TYW1B: variants seen among roughly 807,000 people sequenced by gnomAD.
TYW1B encodes the protein S-adenosyl-L-methionine-dependent tRNA 4-demethylwyosine synthase TYW1B.
TYW1B carries 73 observed loss-of-function variants against 86.9 expected under a neutral mutation model. The ratio of observed to expected loss-of-function variants is 0.84; its 90% CI spans 0.70 to 1.02. The LOEUF (loss-of-function observed/expected upper bound fraction) is 1.02. Among genes scored for constraint, TYW1B ranks in the 50% least tolerant of loss-of-function variants. TYW1B has a pLI of 0.00. For synonymous variants in TYW1B, 248 were observed against 292.8 expected, an observed-to-expected ratio of 0.85 and a Z score of 1.56; for missense variants, 637 against 827.4, an observed-to-expected ratio of 0.77 and a Z score of 2.82.
At chr7:72,752,076 C>T (rs1430802939) in intron 7 of TYW1B, among the ~76,000 whole-genome samples, 1 of 152,170 alleles carries the variant, frequency 6.6e-6, no homozygotes, top group Non-Finnish European at 1.5e-5. Flanking sequence ...AAGTCTCAGA[C>T]CCACAAGGAC....
Position 72,574,791 on chromosome 7 carries a change from T to G in TYW1B, c.*707A>C, listed in dbSNP as rs1411187092. On this transcript the variant is annotated 3_prime_UTR_variant, in exon 14 of 14. Coordinates refer to ENST00000620995, the MANE Select transcript of TYW1B (RefSeq NM_001145440.3). ...TGTGTTTGTGAGACTAATGACTCCA[T>G]GCCCTCACATGGCCACTCCTCTTAC... 1 of 985,256 alleles carries G rather than the reference T, an allele frequency of 1.0e-6. No individual in the cohort carries two copies. Among genetic ancestry groups the G allele is most frequent in the African/African-American group, 1.7e-5 (1 of 57,228 alleles). The allele number at this position is 985,256 out of a possible 1,614,324, so 61.0% of individuals were successfully genotyped here. A position where few individuals can be genotyped will look rare whatever the true frequency, so the allele number is the denominator to read the frequency against.
intron 8 of TYW1B, among the ~76,000 whole-genome samples, chr7:72,743,072 C>T (rs1787332691): frequency 6.6e-6 from 1 of 152,044 alleles, no homozygotes; most frequent in South Asian, 2.1e-4. Flanking sequence ...ATACATTAAG[C>T]TTGAAATGAC....
At chr7:72,733,355 T>A (rs375139804) in intron 8 of TYW1B, among the ~76,000 whole-genome samples, 1 of 152,076 alleles carries the variant, frequency 6.6e-6, no homozygotes, top group African/African-American at 2.4e-5. Context: ...ATATCCCCGA[T>A]GAACAAAGGT....
chr7:72,801,518 T>C (rs1350837424), intron 6 of TYW1B, among the ~76,000 whole-genome samples: 4 of 152,068 alleles, frequency 2.6e-5, no homozygotes, highest in Non-Finnish European at 5.9e-5. Context: ...GGTTTTAGCA[T>C]TGATTTTCTT....
chr7:72,719,563 G>A (rs1438640207), intron 9 of TYW1B, among the ~76,000 whole-genome samples: 4 of 147,086 alleles, frequency 2.7e-5, no homozygotes, highest in African/African-American at 5.0e-5. Flanking sequence ...CCCAGGAGGC[G>A]GAGGTTGCAG....
intron 12 of TYW1B, among the ~76,000 whole-genome samples, chr7:72,619,622 T>C (rs376670146): frequency 1.6e-5 from 2 of 128,766 alleles, no homozygotes; most frequent in East Asian, 2.4e-4. Context: ...CAGTCTGGCC[T>C]GGGCGACAGA....
At chr7:72,751,814 C>T (rs1585955281) in intron 7 of TYW1B, among the ~76,000 whole-genome samples, 2 of 152,324 alleles carry the variant, frequency 1.3e-5, no homozygotes, top group East Asian at 1.9e-4. Context: ...TCCTGGCCTA[C>T]TTCTATGTGC....
chr7:72,711,555 C>T (rs1490718665), intron 10 of TYW1B, among the ~76,000 whole-genome samples: 1 of 138,630 alleles, frequency 7.2e-6, no homozygotes, highest in Non-Finnish European at 1.5e-5. Flanking sequence ...CTCCAAGCTC[C>T]GCCTCCCAGG....
intron 6 of TYW1B, among the ~76,000 whole-genome samples, chr7:72,792,263 G>A (rs1218189416): frequency 1.3e-5 from 2 of 151,270 alleles, no homozygotes; most frequent in African/African-American, 4.9e-5. Context: ...GGAGGCGGAA[G>A]TTGCAGTGGG....
intron 7 of TYW1B, among the ~76,000 whole-genome samples, chr7:72,756,401 AT>A (rs782177753): frequency 8.6e-4 from 124 of 143,696 alleles, no homozygotes; most frequent in Non-Finnish European, 8.9e-4. Flanking sequence ...TGCCCAGTTA[AT>A]TTTTTTTTTT....
chr7:72,741,586 G>A (rs1787305563), intron 8 of TYW1B, among the ~76,000 whole-genome samples: 3 of 152,112 alleles, frequency 2.0e-5, no homozygotes, highest in Admixed American at 6.6e-5. Flanking sequence ...AATAATTATT[G>A]AAAAATTCCC....
At chr7:72,825,866 G>A (rs535035188) in intron 2 of TYW1B, among the ~76,000 whole-genome samples, 1 of 152,206 alleles carries the variant, frequency 6.6e-6, no homozygotes, top group South Asian at 2.1e-4. Flanking sequence ...TCAAGACAGT[G>A]ACCATCAGAC....
chr7:72,574,795 C>T lies in TYW1B; in HGVS notation c.*703G>A. 2.1e-5 allele frequency: 21 copies of T among 985,382 alleles called. No individual in the cohort carries two copies. Among genetic ancestry groups the T allele is most frequent in the Non-Finnish European group, 2.2e-5 (18 of 829,932 alleles). The allele number at this position is 985,382 out of a possible 1,614,324, so 61.0% of individuals were successfully genotyped here. A position where few individuals can be genotyped will look rare whatever the true frequency, so the allele number is the denominator to read the frequency against. On this transcript the variant is annotated 3_prime_UTR_variant, in exon 14 of 14. Transcript: ENST00000620995. The stretch of plus-strand genomic sequence containing the variant: ...TTTGTGAGACTAATGACTCCATGCC[C>T]TCACATGGCCACTCCTCTTACAGCA...
intron 13 of TYW1B, among the ~76,000 whole-genome samples, chr7:72,577,321 C>G (rs1425630433): frequency 1.3e-5 from 2 of 152,014 alleles, no homozygotes; most frequent in Admixed American, 6.6e-5. Context: ...GCTGAATATG[C>G]GGAAAAGTTT....
rs1554476895 is a variant in TYW1B, at chr7:72,807,186, C to T, written c.603G>A (p.Glu201=). The part of the protein sequence containing the change: ...ISQLQALQKG[E]RKKSCGGHCK... ...AGTGGCCGCCACAGGACTTCTTTCT[C>T]TCCCCTTTCTGAAGTGCCTGCAGCT... is the stretch of plus-strand genomic sequence containing the variant. The change falls in exon 5 of 14, where the codon GAG becomes GAA. Residue 201 remains glutamate (E), a synonymous_variant. Transcript: ENST00000620995. 6.2e-7 allele frequency: 1 copy of T among 1,614,004 alleles called. No homozygotes were observed. Among genetic ancestry groups the T allele is most frequent in the Non-Finnish European group, 8.5e-7 (1 of 1,179,976 alleles).
Position 72,652,394 on chromosome 7 carries a change from A to G in TYW1B, c.1507-23397T>C, listed in dbSNP as rs1432103086. Among the ~76,000 whole-genome samples, 307 of 150,288 alleles carry G rather than the reference A, an allele frequency of 2.0e-3. 4 individuals are homozygous for G. The highest frequency in any genetic ancestry group is 7.3e-3 in the African/African-American group (295 of 40,580). On this transcript the variant is annotated intron_variant, in intron 11 of 13. Transcript: ENST00000620995. ...CTCTGTCTGAAAAAAAAAAAAAAAA[A>G]AAAAAAAAAAAATTTTTGTGACATT... is the stretch of plus-strand genomic sequence containing the variant.
At chr7:72,784,629 C>G (rs1788099010) in intron 6 of TYW1B, among the ~76,000 whole-genome samples, 1 of 152,160 alleles carries the variant, frequency 6.6e-6, no homozygotes, top group Non-Finnish European at 1.5e-5. Flanking sequence ...TCCCGAGTAG[C>G]TGGGATTACA....
intron 3 of TYW1B, among the ~76,000 whole-genome samples, chr7:72,813,794 C>T (rs1442022918): frequency 3.3e-5 from 5 of 152,118 alleles, no homozygotes; most frequent in African/African-American, 1.2e-4. Flanking sequence ...GCAAATAAAT[C>T]ACCTGATGTC....
chr7:72,827,631 A>G (rs537703997), intron 1 of TYW1B, among the ~76,000 whole-genome samples: 56 of 152,314 alleles, frequency 3.7e-4, no homozygotes, highest in Non-Finnish European at 7.4e-4. Flanking sequence ...AAAAAAGCTT[A>G]AGTAGTAAAA....
Sources: allele counts gnomAD v4.1 joint callset (sites outside exome capture counted in the v4.1 genomes callset), GRCh38; gene constraint gnomAD v4.1.1; transcripts MANE v1.5; gene names NCBI Gene and HGNC (gene_info 2026-07-23, HGNC 2026-07-21).